Variants in RBMXL1 observed in about 807,000 individuals in gnomAD.
RBMXL1 encodes the protein RNA binding motif protein, X-linked-like-1.
RBMXL1 carries 18 observed loss-of-function variants against 29.0 expected under a neutral mutation model. The ratio of observed to expected loss-of-function variants is 0.62; its 90% CI spans 0.43 to 0.92. The LOEUF is 0.92. Ranked by LOEUF, RBMXL1 falls within the 40% of genes least tolerant of loss-of-function variation. The pLI is 0.00. For missense variants in RBMXL1, 403 were observed against 495.8 expected, an observed-to-expected ratio of 0.81 and a Z score of 1.78; for synonymous variants, 141 against 170.4, an observed-to-expected ratio of 0.83 and a Z score of 1.34.
At chr1:88,992,248 G>A (rs938642814) in intron 1 of RBMXL1, among the ~76,000 whole-genome samples, 5 of 152,130 alleles carry the variant, frequency 3.3e-5, no homozygotes, top group Non-Finnish European at 7.4e-5. Context: ...AAAGTGCTGC[G>A]ATTACAGGGG....
chr1:88,982,112 T>A lies in RBMXL1; in HGVS notation c.*542A>T. On this transcript the variant is annotated 3_prime_UTR_variant, in exon 3 of 3. Coordinates refer to ENST00000652648, the MANE Select transcript of RBMXL1 (RefSeq NM_001162536.3). ...AATGGCCAGCATTATCCATTTGCTT[T>A]TTTTGGGTTTACTGGGTGAATAGCA... The A allele has an allele frequency of 1.0e-6, 1 of 986,248 alleles. No individual in the cohort carries two copies. Among genetic ancestry groups the A allele is most frequent in the Non-Finnish European group, 1.2e-6 (1 of 829,956 alleles). 61.1% of individuals were successfully genotyped at this position (986,248 alleles called of 1,614,324 possible).
chr1:88,987,742 T>C (rs921864075), intron 2 of RBMXL1, among the ~76,000 whole-genome samples: 3 of 152,232 alleles, frequency 2.0e-5, no homozygotes, highest in Non-Finnish European at 2.9e-5. Flanking sequence ...ATATTGCTAC[T>C]TATATAACTG....
chr1:88,990,151 C>T (rs2101104936), intron 1 of RBMXL1, among the ~76,000 whole-genome samples: 1 of 152,260 alleles, frequency 6.6e-6, no homozygotes, highest in Non-Finnish European at 1.5e-5. Flanking sequence ...AATTACCCTC[C>T]TTTAAAAGGA....
rs1451667606 is a variant in RBMXL1 at position 88,981,257 on chromosome 1, A to C, written c.*1397T>G. On this transcript the variant is annotated 3_prime_UTR_variant, in exon 3 of 3. Transcript: ENST00000652648. ...AAACTGTTTGTGGATAAGCCACCAC[A>C]AAAAAATGTTTCACTTACTGACAAG... is the stretch of plus-strand genomic sequence containing the variant. 2 of 152,184 alleles carry C rather than the reference A, an allele frequency of 1.3e-5. No homozygotes were observed. Among genetic ancestry groups the C allele is most frequent in the Non-Finnish European group, 2.9e-5 (2 of 68,016 alleles). The allele number at this position is 152,184 out of a possible 1,614,324, so 9.4% of individuals were successfully genotyped here.
At chr1:88,991,780 G>A (rs1347825466) in intron 1 of RBMXL1, among the ~76,000 whole-genome samples, 2 of 152,242 alleles carry the variant, frequency 1.3e-5, no homozygotes, top group African/African-American at 4.8e-5. Flanking sequence ...TTTGGCTCCC[G>A]AAGTCAGACT....
intron 1 of RBMXL1, among the ~76,000 whole-genome samples, chr1:88,989,857 C>G (rs971206534): frequency 3.3e-5 from 5 of 152,198 alleles, no homozygotes; most frequent in Non-Finnish European, 7.3e-5. Context: ...CTCCATCATG[C>G]AATGTACTTC....
In RBMXL1 at chr1:88,982,903, A is replaced by T; in HGVS notation, c.924T>A (p.Ser308Arg). 1 of 1,614,000 alleles carries T rather than the reference A, an allele frequency of 6.2e-7. No individual in the cohort carries two copies. Among genetic ancestry groups the T allele is most frequent in the African/African-American group, 1.3e-5 (1 of 75,046 alleles). The stretch of plus-strand genomic sequence containing the variant: ...GTGAGCTGCTATAATCATCATAGCG[A>T]CTGCTTCCACCATAAGATGGCGGGG... ...RGPPPSYGGS[S>R]RYDDYSSSRD... The change falls in exon 3 of 3, where the codon AGT becomes AGA. Residue 308 changes from serine (S) to arginine (R), a missense_variant. Ser to Arg is a moderately radical substitution (Grantham distance 110). Coordinates refer to ENST00000652648, the MANE Select transcript of RBMXL1 (RefSeq NM_001162536.3).
intron 1 of RBMXL1, among the ~76,000 whole-genome samples, chr1:88,992,359 A>T (rs1205158361): frequency 1.3e-5 from 2 of 152,236 alleles, no homozygotes; most frequent in Non-Finnish European, 2.9e-5. Context: ...AAGCGCCAAG[A>T]CGGTGACCCG....
Position 88,983,958 on chromosome 1 carries a change from G to GCACTA in RBMXL1, c.-137_-133dup. Reference sequence around the variant, plus strand: ...GGAGGACTGAACCGCGAAGCCGCTAGCACTACTGCGCAATCTGGATGCTTT... The same window carrying GCACTA: ...GGAGGACTGAACCGCGAAGCCGCTAGCACTACACTACTGCGCAATCTGGATGCTTT... On this transcript the variant is annotated 5_prime_UTR_variant, in exon 3 of 3. Transcript: ENST00000652648. The GCACTA allele has an allele frequency of 1.0e-6, 1 of 958,788 alleles. No homozygotes were observed. The highest frequency in any genetic ancestry group is 2.4e-5 in the East Asian group (1 of 41,332). The allele number at this position is 958,788 out of a possible 1,614,324, so 59.4% of individuals were successfully genotyped here.
chr1:88,986,352 G>A (rs931885642), intron 2 of RBMXL1, among the ~76,000 whole-genome samples: 3 of 151,434 alleles, frequency 2.0e-5, no homozygotes, highest in Non-Finnish European at 4.4e-5. Context: ...AGGGCCAGGC[G>A]CGGTGGCTCA....
rs1268660103 is a variant in RBMXL1 at position 88,980,377 on chromosome 1, C to A, written c.*2277G>T. The A allele has an allele frequency of 6.6e-6, 1 of 152,436 alleles. No individual in the cohort carries two copies. The highest frequency in any genetic ancestry group is 6.6e-5 in the Admixed American group (1 of 15,266). 9.4% of individuals were successfully genotyped at this position (152,436 alleles called of 1,614,324 possible). ...TTCTTTTCTCCCTCTGGACCAAGCA[C>A]CCGCCCAAGCAAGCCAACTTTAACA... On this transcript the variant is annotated 3_prime_UTR_variant, in exon 3 of 3. Coordinates refer to ENST00000652648, the MANE Select transcript of RBMXL1 (RefSeq NM_001162536.3).
chr1:88,988,155 C>A, intron 2 of RBMXL1, 97 bp downstream of exon 2: 2 of 750,844 alleles, frequency 2.7e-6, no homozygotes, highest in Non-Finnish European at 4.4e-6. Flanking sequence ...ATGTTCATTT[C>A]AATAAAGTAT....
intron 2 of RBMXL1, 126 bp from the exon 3 acceptor site, chr1:88,984,192 CT>C (rs1408581797): frequency 3.3e-5 from 5 of 153,822 alleles, no homozygotes; most frequent in South Asian, 1.9e-4. Context: ...AACAGGAGCC[CT>C]TTTTTTGTTG....
At chr1:88,989,332 T>G (rs1017123742) in intron 1 of RBMXL1, among the ~76,000 whole-genome samples, 8 of 152,210 alleles carry the variant, frequency 5.3e-5, no homozygotes, top group African/African-American at 1.9e-4. Context: ...AACCTATTAA[T>G]GTGATTCACC....
intron 2 of RBMXL1, among the ~76,000 whole-genome samples, chr1:88,985,070 T>C (rs1465966187): frequency 1.3e-5 from 2 of 152,240 alleles, no homozygotes; most frequent in Non-Finnish European, 2.9e-5. Flanking sequence ...AACAAGCTTA[T>C]TGGAAACAAG....
At chr1:88,988,108 T>C in intron 2 of RBMXL1, 144 bp downstream of exon 2, 1 of 570,696 alleles carries the variant, frequency 1.8e-6, no homozygotes, top group Non-Finnish European at 3.1e-6. Flanking sequence ...TCAATTCTAG[T>C]CAATGACAAG....
At chr1:88,991,551 C>A (rs1051618408) in intron 1 of RBMXL1, among the ~76,000 whole-genome samples, 1 of 152,152 alleles carries the variant, frequency 6.6e-6, no homozygotes, top group Non-Finnish European at 1.5e-5. Flanking sequence ...AGACGGTGAA[C>A]AAAGTCCTGG....
chr1:88,988,140 T>C (rs1677577379), intron 2 of RBMXL1, 112 bp downstream of exon 2: 3 of 675,638 alleles, frequency 4.4e-6, no homozygotes, highest in African/African-American at 3.7e-5. Flanking sequence ...GCATATGTAA[T>C]AGAAATGTTC....
Position 88,981,977 on chromosome 1 carries a change from A to G in RBMXL1, c.*677T>C, listed in dbSNP as rs1179254907. ...GCAGCTTCATGGTTGGTTTTGGCCA[A>G]ACTTTTTATTTAGTATTCCGTAGTT... On this transcript the variant is annotated 3_prime_UTR_variant, in exon 3 of 3. Transcript: ENST00000652648. 2 of 984,346 alleles carry G rather than the reference A, an allele frequency of 2.0e-6. No individual in the cohort carries two copies. Among genetic ancestry groups the G allele is most frequent in the Admixed American group, 6.1e-5 (1 of 16,264 alleles). 61.0% of individuals were successfully genotyped at this position (984,346 alleles called of 1,614,324 possible).
Sources: allele counts gnomAD v4.1 joint callset (sites outside exome capture counted in the v4.1 genomes callset), GRCh38; gene constraint gnomAD v4.1.1; transcripts MANE v1.5; gene names NCBI Gene and HGNC (gene_info 2026-07-23, HGNC 2026-07-21).